DNMBP: variants seen among roughly 807,000 people sequenced by gnomAD.
DNMBP encodes dynamin-binding protein.
DNMBP carries 87 observed loss-of-function variants against 150.0 expected under a neutral mutation model. The ratio of observed to expected loss-of-function variants is 0.58; its 90% CI spans 0.49 to 0.69. The LOEUF (loss-of-function observed/expected upper bound fraction) is 0.69. DNMBP is among the 30% of genes least tolerant of loss of function. DNMBP has a pLI of 0.00. For missense variants in DNMBP, 1,774 were observed against 1,949.0 expected, an observed-to-expected ratio of 0.91 and a Z score of 1.69; for synonymous variants, 711 against 750.4, an observed-to-expected ratio of 0.95 and a Z score of 0.86.
At chr10:100,002,326 A>C (rs1174585139) in intron 1 of DNMBP, among the ~76,000 whole-genome samples, 2 of 148,624 alleles carry the variant, frequency 1.3e-5, no homozygotes, top group Admixed American at 1.3e-4. Flanking sequence ...TCTAAAAAGA[A>C]AGAAAAAGAA....
At chr10:99,936,199 C>A (rs1423212515) in intron 4 of DNMBP, among the ~76,000 whole-genome samples, 5 of 152,066 alleles carry the variant, frequency 3.3e-5, no homozygotes, top group Admixed American at 3.3e-4. Flanking sequence ...AAAATTAAAT[C>A]ATAAATCATA....
chr10:99,903,718 G>A (rs2039780348), intron 6 of DNMBP, among the ~76,000 whole-genome samples: 1 of 152,146 alleles, frequency 6.6e-6, no homozygotes, highest in African/African-American at 2.4e-5. Flanking sequence ...TCTTTTTGCA[G>A]CCCTTTCCCT....
At chr10:99,888,975 A>C in intron 11 of DNMBP, 22 bp from the exon 12 acceptor site, 1 of 1,613,136 alleles carries the variant, frequency 6.2e-7, no homozygotes, top group South Asian at 1.1e-5. Context: ...TAGGACAGAC[A>C]CAAGTCAGAA....
Position 99,955,572 on chromosome 10 carries a change from T to C in DNMBP, c.1902A>G (p.Ala634=), listed in dbSNP as rs368220902. Residue 634 remains alanine, a synonymous_variant, in exon 4 of 17, where the codon GCA becomes GCG. Transcript: ENST00000324109. ...GAGAGGGTCGCACCACCAAGGGTGG[T>C]GCAGGTTTTAGGTTCTGGTCAACCA... The part of the protein sequence containing the change: ...HLLVDQNLKP[A]PPLVVRPSRP... 3.0e-5 allele frequency: 48 copies of C among 1,610,028 alleles called. No individual in the cohort carries two copies. Among genetic ancestry groups the C allele is most frequent in the Non-Finnish European group, 4.1e-5 (48 of 1,178,088 alleles).
intron 1 of DNMBP, among the ~76,000 whole-genome samples, chr10:100,005,563 G>A (rs1247660672): frequency 6.6e-6 from 1 of 152,044 alleles, no homozygotes; most frequent in Non-Finnish European, 1.5e-5. Flanking sequence ...AGACCAGCCT[G>A]GCCAACATGG....
At chr10:99,960,693 C>G (rs1589440224) in intron 3 of DNMBP, among the ~76,000 whole-genome samples, 2 of 152,120 alleles carry the variant, frequency 1.3e-5, no homozygotes, top group African/African-American at 4.8e-5. Context: ...ATAACCCCAG[C>G]TACTCGAGAG....
chr10:99,902,785 A>C (rs2039764438), intron 6 of DNMBP, among the ~76,000 whole-genome samples: 1 of 151,606 alleles, frequency 6.6e-6, no homozygotes, highest in Non-Finnish European at 1.5e-5. Flanking sequence ...AAAATTAGCC[A>C]GGCATGGTGG....
intron 11 of DNMBP, among the ~76,000 whole-genome samples, chr10:99,890,975 G>A (rs2133210165): frequency 1.3e-5 from 2 of 152,210 alleles, no homozygotes; most frequent in Middle Eastern, 3.4e-3. Context: ...CACAAGGGTG[G>A]AAGTTGGCTA....
intron 4 of DNMBP, among the ~76,000 whole-genome samples, chr10:99,920,508 G>C (rs1015641391): frequency 6.6e-6 from 1 of 152,082 alleles, no homozygotes; most frequent in African/African-American, 2.4e-5. Flanking sequence ...TAGATCTTGG[G>C]AGAGCAGCAG....
rs1276551277 is a variant in DNMBP, at chr10:99,886,524, A to G, written c.3394T>C (p.Tyr1132His). The change falls in exon 13 of 17, where the codon TAT becomes CAT. Residue 1132 changes from tyrosine to histidine, a missense_variant. Physicochemically the swap from Tyr to His is moderately conservative, Grantham distance 83. This residue lies in a region of DNMBP where 1,430 missense variants were observed against 1,492.5 expected (regional missense o/e 0.96). Coordinates refer to ENST00000324109, the MANE Select transcript of DNMBP (RefSeq NM_015221.4). ...QKRFDKLLDF[Y>H]NCTERAEKLK... Reference sequence around the variant, plus strand: ...TTTTCTGCCCGTTCTGTACAGTTATAGAAGTCCAGGAGCTTGTCAAAGCGT... The same window carrying G: ...TTTTCTGCCCGTTCTGTACAGTTATGGAAGTCCAGGAGCTTGTCAAAGCGT... 1.2e-6 allele frequency: 2 copies of G among 1,614,106 alleles called. No homozygotes were observed. Among genetic ancestry groups the G allele is most frequent in the Non-Finnish European group, 1.7e-6 (2 of 1,180,044 alleles).
At position 99,899,972 on chromosome 10, in the gene DNMBP, G is replaced by A. The variant is rs774494598; in HGVS notation, c.2649C>T (p.Tyr883=). ...HDEAIALLEI[Y]EKDEKIQKHL... The stretch of plus-strand genomic sequence containing the variant: ...GCTTCTGGATCTTCTCATCCTTCTC[G>A]TAGATTTCAAGCAGCGCAATGGCCT... The change falls in exon 7 of 17, where the codon TAC becomes TAT. Residue 883 remains tyrosine, a synonymous_variant. Coordinates refer to ENST00000324109, the MANE Select transcript of DNMBP (RefSeq NM_015221.4). 58 of 1,613,968 alleles carry A rather than the reference G, an allele frequency of 3.6e-5. 1 individual carries two copies. Among genetic ancestry groups the A allele is most frequent in the Admixed American group, 1.7e-4 (10 of 59,994 alleles).
intron 4 of DNMBP, chr10:99,927,102 A>G: frequency 6.6e-6 from 1 of 152,506 alleles, no homozygotes; most frequent in Non-Finnish European, 1.5e-5. Context: ...TGCCTGGGGG[A>G]GAGGCTGGAG....
In DNMBP at chr10:99,947,294, A is replaced by G. The variant is rs115490718; in HGVS notation, c.2260+7920T>C. Among the ~76,000 whole-genome samples the G allele has an allele frequency of 9.9e-3, 1,510 of 152,314 alleles. 28 individuals are homozygous for G. Among genetic ancestry groups the G allele is most frequent in the African/African-American group, 0.035 (1,439 of 41,562 alleles). ...ACTCCAGCACTATTCACTACAGCAA[A>G]GACATGAAATCAACTTAGGTGCCTA... is the stretch of plus-strand genomic sequence containing the variant. On this transcript the variant is annotated intron_variant, in intron 4 of 16. Transcript: ENST00000324109.
At chr10:99,967,737 C>A (rs558302024) in intron 3 of DNMBP, among the ~76,000 whole-genome samples, 1 of 148,694 alleles carries the variant, frequency 6.7e-6, no homozygotes, top group South Asian at 2.1e-4. Flanking sequence ...GAAGCCTGTC[C>A]CTTTTGTGCC....
intron 1 of DNMBP, among the ~76,000 whole-genome samples, chr10:99,993,945 A>G (rs932142223): frequency 7.2e-5 from 11 of 152,198 alleles, no homozygotes; most frequent in African/African-American, 2.4e-4. Flanking sequence ...CCTACACTTA[A>G]TGTTTTAATA....
At chr10:99,919,626 T>A (rs1265775396) in intron 4 of DNMBP, among the ~76,000 whole-genome samples, 3 of 152,148 alleles carry the variant, frequency 2.0e-5, no homozygotes, top group Non-Finnish European at 4.4e-5. Flanking sequence ...AACCCCGTCT[T>A]TACTAAAAAT....
chr10:100,000,728 C>G (rs2040998670), intron 1 of DNMBP, among the ~76,000 whole-genome samples: 1 of 151,902 alleles, frequency 6.6e-6, no homozygotes, highest in Non-Finnish European at 1.5e-5. Context: ...ACATCAGGTA[C>G]CAGGCACTGT....
intron 9 of DNMBP, 23 bp from the exon 10 acceptor site, chr10:99,896,420 A>C: frequency 6.2e-7 from 1 of 1,613,830 alleles, no homozygotes; most frequent in Non-Finnish European, 8.5e-7. Context: ...TCAGAAAAGC[A>C]CTTTCCTCAG....
chr10:99,892,037 G>C (rs1416435588), intron 11 of DNMBP, among the ~76,000 whole-genome samples: 1 of 138,788 alleles, frequency 7.2e-6, no homozygotes, highest in African/African-American at 3.0e-5. Flanking sequence ...CCGTCCGGGA[G>C]GGAGGTGGGG....
Sources: allele counts gnomAD v4.1 joint callset (sites outside exome capture counted in the v4.1 genomes callset), GRCh38; gene constraint gnomAD v4.1.1; regional missense constraint gnomAD v4.1.1; transcripts MANE v1.5; gene names NCBI Gene and HGNC (gene_info 2026-07-23, HGNC 2026-07-21).